The following SPPL3 variants were observed in gnomAD, a reference collection of about 807,000 sequenced individuals.
The protein encoded by SPPL3 is signal peptide peptidase-like 3.
SPPL3 carries 5 observed loss-of-function variants against 42.4 expected under a neutral mutation model. The ratio of observed to expected loss-of-function variants is 0.12; its 90% CI spans 0.06 to 0.25. The LOEUF is 0.25. Ranked by LOEUF, SPPL3 falls within the 10% of genes least tolerant of loss-of-function variation. The pLI is 1.00. For missense variants in SPPL3, 235 were observed against 489.0 expected (o/e 0.48, Z 4.90); for synonymous variants, 195 against 181.8 (o/e 1.07, Z -0.58).
At chr12:120,767,027 A>G (rs1328507904) in intron 9 of SPPL3, among the ~76,000 whole-genome samples, 3 of 152,258 alleles carry the variant, frequency 2.0e-5, no homozygotes, top group Non-Finnish European at 4.4e-5. Context: ...TCAGAGTGGC[A>G]GAAATGTAGA....
Position 120,784,514 on chromosome 12 carries a change from G to T in SPPL3, c.270C>A (p.Phe90Leu). Residue 90 changes from phenylalanine to leucine, a missense_variant, in exon 4 of 11, where the codon TTC becomes TTA. Phe to Leu is a conservative substitution (Grantham distance 22). Coordinates refer to ENST00000353487, the MANE Select transcript of SPPL3 (RefSeq NM_139015.5). ...ASVSLLVMFF[F>L]FDSVQVVFTI... ...TAAAAACTACTTGAACTGAGTCAAA[G>T]AAGAAGAACATTACTAAAAGAGAGA... 6.2e-7 allele frequency: 1 copy of T among 1,612,378 alleles called. No individual in the cohort carries two copies. Among genetic ancestry groups the T allele is most frequent in the Non-Finnish European group, 8.5e-7 (1 of 1,178,696 alleles).
chr12:120,894,066 G>A (rs1873725981), intron 1 of SPPL3, among the ~76,000 whole-genome samples: 1 of 152,168 alleles, frequency 6.6e-6, no homozygotes, highest in Non-Finnish European at 1.5e-5. Flanking sequence ...GGTCACGCCT[G>A]TAATCCCAGC....
In SPPL3 at chr12:120,884,244, G is replaced by C. The variant is rs142753811; in HGVS notation, c.23+19601C>G. On this transcript the variant is annotated intron_variant, in intron 1 of 10. Coordinates refer to ENST00000353487, the MANE Select transcript of SPPL3 (RefSeq NM_139015.5). ...GGAAGGACAAAGGAGAGTACAAAGG[G>C]GGCTTCCAGAACATTGGTAATCCTA... 6.8e-4 allele frequency among the ~76,000 whole-genome samples: 104 copies of C among 152,208 alleles called. 1 individual carries two copies. The East Asian group carries it at 0.019, about 27-fold the overall frequency.
chr12:120,764,763 G>T lies in SPPL3; in HGVS notation c.*236C>A, dbSNP rs887386446. 1 of 485,714 alleles carries T rather than the reference G, an allele frequency of 2.1e-6. No individual in the cohort carries two copies. The highest frequency in any genetic ancestry group is 3.6e-6 in the Non-Finnish European group (1 of 275,390). 30.1% of individuals were successfully genotyped at this position (485,714 alleles called of 1,614,324 possible). A position where few individuals can be genotyped will look rare whatever the true frequency, so the allele number is the denominator to read the frequency against. The stretch of plus-strand genomic sequence containing the variant: ...TGGGAGGAAGGCGCGCTGGGGAGAG[G>T]CCTGTCCCTCTTGGAAGGGGCCCCA... On this transcript the variant is annotated 3_prime_UTR_variant, in exon 11 of 11. Transcript: ENST00000353487.
intron 1 of SPPL3, among the ~76,000 whole-genome samples, chr12:120,878,062 CAG>C (rs1873161410): frequency 6.6e-6 from 1 of 151,550 alleles, no homozygotes; most frequent in Non-Finnish European, 1.5e-5. Context: ...ATAAAAATAT[CAG>C]AGTGAGAAAT....
At chr12:120,787,526 T>G (rs1266314792) in intron 3 of SPPL3, among the ~76,000 whole-genome samples, 1 of 152,174 alleles carries the variant, frequency 6.6e-6, no homozygotes, top group African/African-American at 2.4e-5. Flanking sequence ...CTCCTGTCAC[T>G]TTCTAACCTT....
chr12:120,764,943 C>A lies in SPPL3; in HGVS notation c.*56G>T, dbSNP rs1428283628. The A allele has an allele frequency of 3.2e-6, 5 of 1,581,230 alleles. No homozygotes were observed. In the East Asian group the frequency reaches 1.1e-4, roughly 36 times the overall value. ...AGGCCAGCTCTAAGAGGAAACAAAC[C>A]ATGAGTTGAGAGAAAAGGACTATGA... On this transcript the variant is annotated 3_prime_UTR_variant, in exon 11 of 11. Coordinates refer to ENST00000353487, the MANE Select transcript of SPPL3 (RefSeq NM_139015.5).
chr12:120,825,976 T>TC (rs369142257), intron 1 of SPPL3, among the ~76,000 whole-genome samples: 36,958 of 151,854 alleles, frequency 0.24, 5,570 homozygotes, highest in Non-Finnish European at 0.35. Flanking sequence ...GGTGACACAC[T>TC]CACTGGTCAA....
At position 120,767,404 on chromosome 12, in the gene SPPL3, T is replaced by C. The variant is rs776327028; in HGVS notation, c.963A>G (p.Gly321=). 6.2e-7 allele frequency: 1 copy of C among 1,612,652 alleles called. No individual in the cohort carries two copies. Among genetic ancestry groups the C allele is most frequent in the South Asian group, 1.1e-5 (1 of 91,036 alleles). Residue 321 remains glycine, a synonymous_variant, in exon 9 of 11, where the codon GGA becomes GGG. Transcript: ENST00000353487. ...KVSYFHCTLI[G]YFVGLLTATV... ...CTCTGGTTCTCTTACCTACAAAGTA[T>C]CCGATGAGGGTGCAGTGAAAGTAGG... is the stretch of plus-strand genomic sequence containing the variant.
intron 2 of SPPL3, among the ~76,000 whole-genome samples, chr12:120,794,638 C>T (rs562331842): frequency 9.9e-5 from 15 of 152,074 alleles, no homozygotes; most frequent in African/African-American, 2.7e-4. Context: ...CCTCATGATC[C>T]GCCTGCCCTG....
At chr12:120,835,352 A>T (rs1425123309) in intron 1 of SPPL3, 2 of 152,262 alleles carry the variant, frequency 1.3e-5, no homozygotes. Flanking sequence ...CTAAGCATGT[A>T]GCCCTTGCTA....
At chr12:120,881,088 T>C (rs546975016) in intron 1 of SPPL3, among the ~76,000 whole-genome samples, 2 of 151,928 alleles carry the variant, frequency 1.3e-5, no homozygotes, top group African/African-American at 2.4e-5. Context: ...GGCAAGGATG[T>C]GGAAAAACTG....
chr12:120,785,672 AAAT>A (rs1471147274), intron 3 of SPPL3, among the ~76,000 whole-genome samples: 1 of 151,962 alleles, frequency 6.6e-6, no homozygotes, highest in East Asian at 1.9e-4. Context: ...TATAATAATG[AAAT>A]AATAGAAGAA....
rs189631306 is a variant in SPPL3, at chr12:120,901,765, A to G, written c.23+2080T>C. On this transcript the variant is annotated intron_variant, in intron 1 of 10. Coordinates refer to ENST00000353487, the MANE Select transcript of SPPL3 (RefSeq NM_139015.5). ...TGCCTGTAAAGCAAACAGAGCTGAC[A>G]TTGAAGGAAGTATTTTAGTAGAATA... is the stretch of plus-strand genomic sequence containing the variant. 1.4e-5 allele frequency: 6 copies of G among 431,256 alleles called. No homozygotes were observed. In the East Asian group the frequency reaches 9.5e-4, roughly 68 times the overall value. The allele number at this position is 431,256 out of a possible 1,614,324, so 26.7% of individuals were successfully genotyped here. A position where few individuals can be genotyped will look rare whatever the true frequency, so the allele number is the denominator to read the frequency against.
At chr12:120,766,635 GTGTGCCTCTGTCTCC>G (rs141870049) in intron 9 of SPPL3, among the ~76,000 whole-genome samples, 2,497 of 152,306 alleles carry the variant, frequency 0.016, 28 homozygotes, top group South Asian at 0.067. Flanking sequence ...CCAGCTCCAA[GTGTGCCTCTGTCTCC>G]TGTGATGCTG....
At chr12:120,866,332 A>G (rs746960007) in intron 1 of SPPL3, among the ~76,000 whole-genome samples, 22 of 151,428 alleles carry the variant, frequency 1.5e-4, no homozygotes, top group Non-Finnish European at 3.2e-4. Flanking sequence ...CCTAGACTAT[A>G]CATCATAAAC....
chr12:120,764,792 C>G lies in SPPL3; in HGVS notation c.*207G>C, dbSNP rs1868817102. On this transcript the variant is annotated 3_prime_UTR_variant, in exon 11 of 11. Coordinates refer to ENST00000353487, the MANE Select transcript of SPPL3 (RefSeq NM_139015.5). The stretch of plus-strand genomic sequence containing the variant: ...GTCCCTCTTGGAAGGGGCCCCACCT[C>G]TACATCCGCAGGAAGAGAAGGAACC... 1.8e-6 allele frequency: 1 copy of G among 558,122 alleles called. No individual in the cohort carries two copies. Among genetic ancestry groups the G allele is most frequent in the Admixed American group, 3.4e-5 (1 of 29,152 alleles). The allele number at this position is 558,122 out of a possible 1,614,324, so 34.6% of individuals were successfully genotyped here.
At chr12:120,799,282 T>C (rs779339152) in intron 2 of SPPL3, among the ~76,000 whole-genome samples, 27 of 152,230 alleles carry the variant, frequency 1.8e-4, no homozygotes, top group Non-Finnish European at 3.2e-4. Context: ...GTGCTGAATA[T>C]TTCAAGTAAC....
At position 120,904,010 on chromosome 12, in the gene SPPL3, C is replaced by G. The variant is rs1428993507; in HGVS notation, c.-143G>C. ...CTGGCTCGCTGGCTGCACGGCGGGC[C>G]GGGAAGGCGGCTGGCGGGGAGAGGC... On this transcript the variant is annotated 5_prime_UTR_variant, in exon 1 of 11. Transcript: ENST00000353487. 7 of 658,702 alleles carry G rather than the reference C, an allele frequency of 1.1e-5. No homozygotes were observed. Among genetic ancestry groups the G allele is most frequent in the Non-Finnish European group, 1.5e-5 (7 of 473,912 alleles). 40.8% of individuals were successfully genotyped at this position (658,702 alleles called of 1,614,324 possible).
Sources: allele counts gnomAD v4.1 joint callset (sites outside exome capture counted in the v4.1 genomes callset), GRCh38; gene constraint gnomAD v4.1.1; transcripts MANE v1.5; gene names NCBI Gene and HGNC (gene_info 2026-07-23, HGNC 2026-07-21).